The following DLGAP1 variants were observed in gnomAD, a reference collection of about 807,000 sequenced individuals.
DLGAP1 encodes disks large-associated protein 1.
A neutral mutation model predicts 90.8 loss-of-function variants in DLGAP1; 11 were observed. The observed-to-expected ratio is 0.12, with a 90% CI of 0.08 to 0.20. The LOEUF (loss-of-function observed/expected upper bound fraction) is 0.20. DLGAP1 is among the 10% of genes least tolerant of loss of function. The pLI, the probability that DLGAP1 is intolerant of heterozygous loss-of-function variation, is 1.00. For synonymous variants in DLGAP1, 558 were observed against 540.7 expected, an observed-to-expected ratio of 1.03 and a Z score of -0.44; for missense variants, 1,050 against 1,333.8, an observed-to-expected ratio of 0.79 and a Z score of 3.31.
chr18:4,363,080 A>C (rs2081664097), intron 1 of DLGAP1, among the ~76,000 whole-genome samples: 1 of 152,150 alleles, frequency 6.6e-6, no homozygotes. Context: ...GACTTGGCAT[A>C]CTGACCTAAG....
At chr18:3,814,465 C>T (rs772483595) in intron 4 of DLGAP1, among the ~76,000 whole-genome samples, 192 bp from the exon 5 acceptor site, 3 of 150,480 alleles carry the variant, frequency 2.0e-5, no homozygotes, top group East Asian at 2.0e-4. Context: ...GGGTTCATGC[C>T]GTTCTCCTGC....
chr18:4,089,914 G>T (rs543137729), intron 2 of DLGAP1, among the ~76,000 whole-genome samples: 1 of 152,074 alleles, frequency 6.6e-6, no homozygotes, highest in Non-Finnish European at 1.5e-5. Context: ...GTGCGGTGGC[G>T]GGCTCCTGTG....
intron 1 of DLGAP1, among the ~76,000 whole-genome samples, chr18:4,350,972 C>T (rs1195688376): frequency 6.6e-6 from 1 of 152,102 alleles, no homozygotes; most frequent in Admixed American, 6.6e-5. Context: ...GGCCCCAGCA[C>T]ACACTGAAAT....
At chr18:3,989,097 C>G (rs2073908276) in intron 3 of DLGAP1, among the ~76,000 whole-genome samples, 1 of 152,218 alleles carries the variant, frequency 6.6e-6, no homozygotes, top group African/African-American at 2.4e-5. Flanking sequence ...CCTCCCAGGA[C>G]CCGGTCCCTA....
intron 3 of DLGAP1, among the ~76,000 whole-genome samples, chr18:3,984,483 C>T (rs76536852): frequency 0.036 from 5,556 of 152,230 alleles, 275 homozygotes; most frequent in African/African-American, 0.12. Context: ...GTTCTGACAG[C>T]ACTCTAAGCT....
intron 8 of DLGAP1, 117 bp downstream of exon 8, chr18:3,581,758 C>T (rs911718563): frequency 1.5e-6 from 2 of 1,331,408 alleles, no homozygotes; most frequent in African/African-American, 2.9e-5. Context: ...AAATCTGGTC[C>T]TATGCATAGA....
intron 7 of DLGAP1, among the ~76,000 whole-genome samples, chr18:3,688,048 A>C (rs2060762147): frequency 6.6e-6 from 1 of 151,860 alleles, no homozygotes; most frequent in African/African-American, 2.4e-5. Context: ...CTGGAATTAC[A>C]GGCATGCACC....
chr18:3,808,607 T>C (rs1438684236), intron 5 of DLGAP1, among the ~76,000 whole-genome samples: 1 of 152,116 alleles, frequency 6.6e-6, no homozygotes, highest in Non-Finnish European at 1.5e-5. Flanking sequence ...AGAACAGAGA[T>C]GGGATGATAC....
In DLGAP1 at chr18:3,565,550, T is replaced by G. The variant is rs1261380664; in HGVS notation, c.2057+1940A>C. ...ATGCCTAGGACATTAAAGCAATGAT[T>G]ACCGGCCCAGCGCGGTGGCTCACGC... On this transcript the variant is annotated intron_variant, in intron 9 of 12. Transcript: ENST00000315677. This position sits in a 1 kb window ranked among gnomAD's most constrained non-coding sequence, Gnocchi z 4.0. 6.6e-6 allele frequency among the ~76,000 whole-genome samples: 1 copy of G among 151,870 alleles called. No individual in the cohort carries two copies. The highest frequency in any genetic ancestry group is 2.4e-5 in the African/African-American group (1 of 41,410).
At chr18:4,241,296 G>A (rs1361485842) in intron 1 of DLGAP1, among the ~76,000 whole-genome samples, 1 of 152,154 alleles carries the variant, frequency 6.6e-6, no homozygotes, top group Non-Finnish European at 1.5e-5. Flanking sequence ...GGTAAGTCTG[G>A]AGTTAGGCCC....
At chr18:4,346,131 A>C (rs1028349110) in intron 1 of DLGAP1, among the ~76,000 whole-genome samples, 1 of 152,228 alleles carries the variant, frequency 6.6e-6, no homozygotes, top group African/African-American at 2.4e-5. Context: ...TGTTACTCAT[A>C]CATGTTAAAC....
chr18:3,882,385 T>C (rs748080783), intron 3 of DLGAP1, among the ~76,000 whole-genome samples: 1 of 151,272 alleles, frequency 6.6e-6, no homozygotes, highest in South Asian at 2.1e-4. Context: ...AAAAAAAAAT[T>C]AGCTGGGAGT....
intron 2 of DLGAP1, among the ~76,000 whole-genome samples, chr18:4,111,047 GT>G (rs1035745575): frequency 2.1e-4 from 32 of 152,046 alleles, no homozygotes; most frequent in Non-Finnish European, 7.4e-5. Context: ...ATTAGCCGTG[GT>G]TTTTTTCTAG....
intron 1 of DLGAP1, among the ~76,000 whole-genome samples, chr18:4,197,796 T>C (rs766732877): frequency 3.9e-5 from 6 of 152,050 alleles, no homozygotes; most frequent in Non-Finnish European, 7.4e-5. Context: ...ACCCCGTGAA[T>C]GTTAGAGATG....
chr18:4,096,959 TA>T (rs1487305081), intron 2 of DLGAP1, among the ~76,000 whole-genome samples: 3 of 152,234 alleles, frequency 2.0e-5, no homozygotes, highest in African/African-American at 7.2e-5. Flanking sequence ...TGGCACAAAG[TA>T]AACATTGTGT....
intron 1 of DLGAP1, among the ~76,000 whole-genome samples, chr18:4,246,800 AGTT>A (rs1273595231): frequency 1.3e-5 from 2 of 152,242 alleles, no homozygotes; most frequent in East Asian, 3.8e-4. Context: ...CAAGTCAGTT[AGTT>A]GTTGGTTTCT....
intron 4 of DLGAP1, among the ~76,000 whole-genome samples, chr18:3,848,746 T>A (rs1206279873): frequency 6.6e-6 from 1 of 152,152 alleles, no homozygotes; most frequent in Non-Finnish European, 1.5e-5. Flanking sequence ...AACCACCCAC[T>A]TACCCCAATA....
chr18:4,033,452 G>C (rs2074832261), intron 2 of DLGAP1, among the ~76,000 whole-genome samples: 1 of 152,106 alleles, frequency 6.6e-6, no homozygotes, highest in African/African-American at 2.4e-5. Context: ...ACCAAGGCTT[G>C]CTATTATGGG....
intron 4 of DLGAP1, among the ~76,000 whole-genome samples, chr18:3,846,064 G>C (rs1350533057): frequency 6.6e-6 from 1 of 151,746 alleles, no homozygotes; most frequent in East Asian, 1.9e-4. Context: ...GTGTGTGTGT[G>C]TGTGTGTGTG....
Sources: allele counts gnomAD v4.1 joint callset (sites outside exome capture counted in the v4.1 genomes callset), GRCh38; gene constraint gnomAD v4.1.1; non-coding constraint Gnocchi (gnomAD v3.1); transcripts MANE v1.5; gene names NCBI Gene and HGNC (gene_info 2026-07-23, HGNC 2026-07-21).